CDH13: variants seen among roughly 807,000 people sequenced by gnomAD.
CDH13 encodes the protein cadherin-13.
In CDH13, 24 loss-of-function variants were observed where a neutral mutation model predicts 63.8. The ratio of observed to expected loss-of-function variants is 0.38; its 90% confidence interval spans 0.27 to 0.53. The LOEUF is 0.53. Among genes scored for constraint, CDH13 ranks in the 20% least tolerant of loss-of-function variants. CDH13 has a pLI of 0.85. For synonymous variants in CDH13, 503 were observed against 355.3 expected, an observed-to-expected ratio of 1.42 and a Z score of -4.67; for missense variants, 1,049 against 903.1, an observed-to-expected ratio of 1.16 and a Z score of -2.07.
intron 1 of CDH13, among the ~76,000 whole-genome samples, chr16:82,841,860 C>G (rs898661843): frequency 6.6e-6 from 1 of 151,980 alleles, no homozygotes; most frequent in East Asian, 1.9e-4. Flanking sequence ...CAGTTGTACA[C>G]AGCTCTTCAC....
chr16:83,023,776 G>C (rs898025237), intron 2 of CDH13, among the ~76,000 whole-genome samples: 5 of 152,098 alleles, frequency 3.3e-5, no homozygotes, highest in Non-Finnish European at 5.9e-5. Context: ...CACAATGCAG[G>C]GCTGATGTCA....
chr16:83,627,733 C>T (rs943174730), intron 8 of CDH13, among the ~76,000 whole-genome samples: 3 of 152,062 alleles, frequency 2.0e-5, no homozygotes, highest in African/African-American at 7.3e-5. Context: ...CCAATCCAGA[C>T]CCCAAGAGAG....
rs201501952 is a variant in CDH13 at position 83,322,137 on chromosome 16, AG to A, written c.637-22719del. Among the ~76,000 whole-genome samples, 530 of 152,308 alleles carry A rather than the reference AG, an allele frequency of 3.5e-3. 9 individuals are homozygous for A. Among genetic ancestry groups the A allele is most frequent in the Admixed American group, 0.03 (465 of 15,292 alleles). On this transcript the variant is annotated intron_variant, in intron 5 of 13. Transcript: ENST00000567109. ...GAAGCCCAGAGCCCTGGGATCGTTG[AG>A]GGGGGTCAGGAGCACAAAGAGGAGG... is the stretch of plus-strand genomic sequence containing the variant.
chr16:83,749,186 T>C (rs190880137), intron 11 of CDH13, among the ~76,000 whole-genome samples: 13 of 152,314 alleles, frequency 8.5e-5, no homozygotes, highest in African/African-American at 3.1e-4. Flanking sequence ...TTTGAGTCCT[T>C]CCATATCAAG....
At chr16:82,996,863 G>C (rs1022315919) in intron 2 of CDH13, among the ~76,000 whole-genome samples, 2 of 152,016 alleles carry the variant, frequency 1.3e-5, no homozygotes, top group Admixed American at 1.3e-4. Flanking sequence ...TTACGGTGGT[G>C]GTGATGATGA....
At chr16:83,272,178 C>T (rs1403337999) in intron 5 of CDH13, among the ~76,000 whole-genome samples, 1 of 152,112 alleles carries the variant, frequency 6.6e-6, no homozygotes, top group Non-Finnish European at 1.5e-5. Context: ...ATGAAGTCTC[C>T]AGCCATAAAG....
intron 6 of CDH13, among the ~76,000 whole-genome samples, chr16:83,379,919 G>GTATATATATATATATATATA (rs747045728): frequency 8.7e-5 from 11 of 126,430 alleles, no homozygotes; most frequent in African/African-American, 3.2e-4. Flanking sequence ...ATGTGTGTGT[G>GTATATATATATATATATATA]TATATATATA....
intron 6 of CDH13, among the ~76,000 whole-genome samples, chr16:83,461,661 A>G (rs1235339932): frequency 6.6e-6 from 1 of 152,202 alleles, no homozygotes; most frequent in African/African-American, 2.4e-5. Context: ...AACAGCTAGC[A>G]TGCATCAAGG....
chr16:82,687,606 A>G (rs1268098359), intron 1 of CDH13, among the ~76,000 whole-genome samples: 4 of 152,178 alleles, frequency 2.6e-5, no homozygotes, highest in African/African-American at 9.7e-5. Context: ...CACTATCACA[A>G]GAACAGCATG....
intron 5 of CDH13, among the ~76,000 whole-genome samples, chr16:83,223,414 A>T (rs139944646): frequency 2.6e-5 from 4 of 152,314 alleles, no homozygotes; most frequent in African/African-American, 9.6e-5. Context: ...ATCACCTCTA[A>T]AGGGCCCCAC....
At chr16:82,740,631 A>T (rs1301662133) in intron 1 of CDH13, among the ~76,000 whole-genome samples, 1 of 152,174 alleles carries the variant, frequency 6.6e-6, no homozygotes, top group African/African-American at 2.4e-5. Context: ...GGTCTGCTCC[A>T]TGGACGTCTC....
intron 5 of CDH13, among the ~76,000 whole-genome samples, chr16:83,304,207 A>G (rs1195484392): frequency 6.6e-6 from 1 of 152,170 alleles, no homozygotes; most frequent in Non-Finnish European, 1.5e-5. Flanking sequence ...TGTGGGTTTT[A>G]TCCCACAGAA....
At chr16:83,398,819 G>A (rs1374818760) in intron 6 of CDH13, among the ~76,000 whole-genome samples, 1 of 152,182 alleles carries the variant, frequency 6.6e-6, no homozygotes. Flanking sequence ...TTTATCTCAT[G>A]GGATTGATTT....
rs551357303 is a variant in CDH13 at position 83,245,295 on chromosome 16, G to T, written c.636+27798G>T. 2.9e-3 allele frequency among the ~76,000 whole-genome samples: 449 copies of T among 152,244 alleles called. 9 individuals carry two copies. Among genetic ancestry groups the T allele is most frequent in the Admixed American group, 0.027 (419 of 15,290 alleles). On this transcript the variant is annotated intron_variant, in intron 5 of 13. Transcript: ENST00000567109. ...GGGAACAACCACAAGAAGTTCTCGTGGGGAAATGACATCAGTCCTATTCAA... is the reference window on the plus strand; with the variant it reads ...GGGAACAACCACAAGAAGTTCTCGTTGGGAAATGACATCAGTCCTATTCAA...
intron 2 of CDH13, among the ~76,000 whole-genome samples, chr16:83,022,708 A>T (rs1482698735): frequency 6.6e-6 from 1 of 152,180 alleles, no homozygotes; most frequent in Non-Finnish European, 1.5e-5. Flanking sequence ...ATCCTTGCAC[A>T]CATGTACAAG....
intron 2 of CDH13, among the ~76,000 whole-genome samples, chr16:82,888,581 G>T (rs1482825318): frequency 6.6e-6 from 1 of 152,180 alleles, no homozygotes; most frequent in Non-Finnish European, 1.5e-5. Flanking sequence ...ACTGTTCTCA[G>T]CCATTAAAGC....
At chr16:82,928,896 A>G (rs965681858) in intron 2 of CDH13, among the ~76,000 whole-genome samples, 4 of 152,148 alleles carry the variant, frequency 2.6e-5, no homozygotes, top group Non-Finnish European at 5.9e-5. Flanking sequence ...TGTATTGATA[A>G]AGCCTCCATT....
At chr16:83,567,017 A>G (rs559813949) in intron 7 of CDH13, among the ~76,000 whole-genome samples, 2 of 152,106 alleles carry the variant, frequency 1.3e-5, no homozygotes, top group African/African-American at 4.8e-5. Context: ...TGTGTGTCAT[A>G]CAGTTCTAGG....
intron 6 of CDH13, among the ~76,000 whole-genome samples, chr16:83,420,883 G>T (rs1334962624): frequency 6.6e-6 from 1 of 152,142 alleles, no homozygotes; most frequent in Non-Finnish European, 1.5e-5. Flanking sequence ...GATGTTCAAG[G>T]GCAAGAGGAA....
Sources: allele counts gnomAD v4.1 joint callset (sites outside exome capture counted in the v4.1 genomes callset), GRCh38; gene constraint gnomAD v4.1.1; transcripts MANE v1.5; gene names NCBI Gene and HGNC (gene_info 2026-07-23, HGNC 2026-07-21).